CSMD1: variants seen among roughly 807,000 people sequenced by gnomAD.
CSMD1 encodes CUB and sushi domain-containing protein 1.
In CSMD1, 213 loss-of-function variants were observed where a neutral mutation model predicts 417.5. That is an observed-to-expected ratio of 0.51 (90% confidence interval 0.46 to 0.57). CSMD1 has a LOEUF of 0.57. CSMD1 is among the 20% of genes least tolerant of loss of function. The pLI, the probability that CSMD1 is intolerant of heterozygous loss-of-function variation, is 0.00. For synonymous variants in CSMD1, 2,862 were observed against 1,736.8 expected, an observed-to-expected ratio of 1.65 and a Z score of -16.11; for missense variants, 6,923 against 4,529.7, an observed-to-expected ratio of 1.53 and a Z score of -15.17.
At chr8:4,970,631 T>G (rs1252932493) in intron 1 of CSMD1, among the ~76,000 whole-genome samples, 1 of 152,124 alleles carries the variant, frequency 6.6e-6, no homozygotes. Flanking sequence ...AGGAAGCTTG[T>G]GTGACTTAAA....
chr8:4,755,372 C>T (rs1451558983), intron 1 of CSMD1, among the ~76,000 whole-genome samples: 3 of 152,156 alleles, frequency 2.0e-5, no homozygotes, highest in Non-Finnish European at 2.9e-5. Flanking sequence ...TAGCTATAAC[C>T]TTCAAAGTGC....
rs575027030 is a variant in CSMD1, at chr8:4,020,002, A to C, written c.610+11903T>G. ...TGAATTTCTTTTCAAACTGTTTGCC[A>C]TTCCGCTCTGGGCACTTAGTTCTGA... On this transcript the variant is annotated intron_variant, in intron 4 of 69. Coordinates refer to ENST00000635120, the MANE Select transcript of CSMD1 (RefSeq NM_033225.6). Among the ~76,000 whole-genome samples the C allele has an allele frequency of 1.4e-3, 219 of 151,726 alleles. 1 individual carries two copies. The highest frequency in any genetic ancestry group is 3.4e-3 in the Middle Eastern group (1 of 292).
chr8:4,892,379 G>T (rs1477637517), intron 1 of CSMD1, among the ~76,000 whole-genome samples: 4 of 151,982 alleles, frequency 2.6e-5, no homozygotes, highest in Admixed American at 2.6e-4. Context: ...AGAGCAAGGG[G>T]GAGTTGAGAA....
At chr8:2,955,529 G>A (rs1270771205) in intron 64 of CSMD1, 60 bp downstream of exon 64, 1 of 1,547,536 alleles carries the variant, frequency 6.5e-7, no homozygotes, top group Non-Finnish European at 8.9e-7. Flanking sequence ...AGCCTGATGG[G>A]CAGCTGATCC....
At chr8:3,384,346 C>A (rs745308696) in intron 18 of CSMD1, among the ~76,000 whole-genome samples, 1 of 151,970 alleles carries the variant, frequency 6.6e-6, no homozygotes, top group Non-Finnish European at 1.5e-5. Context: ...CCAATTTGAG[C>A]AACACTATGT....
intron 3 of CSMD1, among the ~76,000 whole-genome samples, chr8:4,279,332 G>C (rs563041436): frequency 6.6e-6 from 1 of 152,188 alleles, no homozygotes; most frequent in Non-Finnish European, 1.5e-5. Context: ...TCACACACAA[G>C]ACTAGACAGA....
chr8:3,514,489 G>C (rs1024326343), intron 10 of CSMD1, among the ~76,000 whole-genome samples: 2 of 152,102 alleles, frequency 1.3e-5, no homozygotes, highest in African/African-American at 4.8e-5. Flanking sequence ...TCAATTTTTG[G>C]AATTGACTAA....
intron 2 of CSMD1, among the ~76,000 whole-genome samples, chr8:4,453,747 G>A (rs145741451): frequency 1.3e-5 from 2 of 151,000 alleles, no homozygotes; most frequent in Admixed American, 6.6e-5. Flanking sequence ...ACGTAATTCC[G>A]GGTCCCCATT....
At chr8:4,400,360 C>T (rs1804562916) in intron 3 of CSMD1, among the ~76,000 whole-genome samples, 1 of 152,234 alleles carries the variant, frequency 6.6e-6, no homozygotes, top group Non-Finnish European at 1.5e-5. Context: ...GTCAAAGCTT[C>T]CAAATGCTTT....
chr8:3,240,165 C>G (rs1011853878), intron 26 of CSMD1, among the ~76,000 whole-genome samples: 1 of 152,040 alleles, frequency 6.6e-6, no homozygotes, highest in African/African-American at 2.4e-5. Flanking sequence ...TCGGTGCGGT[C>G]CCGGTTCTTG....
intron 2 of CSMD1, among the ~76,000 whole-genome samples, chr8:4,619,134 T>G (rs1165237310): frequency 6.6e-6 from 1 of 152,142 alleles, no homozygotes; most frequent in Non-Finnish European, 1.5e-5. Flanking sequence ...TGCCCTAGAT[T>G]TAACTCATGA....
intron 50 of CSMD1, among the ~76,000 whole-genome samples, chr8:3,038,144 C>T (rs1183940390): frequency 5.3e-5 from 8 of 152,176 alleles, no homozygotes; most frequent in Non-Finnish European, 1.2e-4. Context: ...TGTTCCAACG[C>T]TATCGGTAGC....
intron 8 of CSMD1, among the ~76,000 whole-genome samples, chr8:3,602,641 C>T (rs549121068): frequency 1.3e-5 from 2 of 152,024 alleles, no homozygotes; most frequent in African/African-American, 4.8e-5. Context: ...CTAAGAGTCA[C>T]AGGGTGTTAT....
intron 23 of CSMD1, among the ~76,000 whole-genome samples, chr8:3,324,239 G>A (rs1470857084): frequency 2.8e-5 from 4 of 142,716 alleles, no homozygotes; most frequent in African/African-American, 1.1e-4. Context: ...CCGGGAGGGG[G>A]AGTTTCCTTC....
chr8:3,031,317 G>A (rs1233814499), intron 50 of CSMD1, among the ~76,000 whole-genome samples: 1 of 124,692 alleles, frequency 8.0e-6, no homozygotes. Context: ...ACTGTTGTGG[G>A]GTGGGGGGAG....
At chr8:3,893,712 T>C (rs1331108485) in intron 5 of CSMD1, among the ~76,000 whole-genome samples, 3 of 151,888 alleles carry the variant, frequency 2.0e-5, no homozygotes, top group Non-Finnish European at 2.9e-5. Flanking sequence ...GTGGTAACAA[T>C]ACAGCCATCA....
intron 31 of CSMD1, among the ~76,000 whole-genome samples, chr8:3,203,920 G>A (rs534734114): frequency 1.3e-5 from 2 of 152,168 alleles, no homozygotes; most frequent in African/African-American, 4.8e-5. Context: ...GTAGTGTCTG[G>A]ATTGCACATC....
intron 5 of CSMD1, among the ~76,000 whole-genome samples, chr8:3,817,380 A>C (rs1298060941): frequency 7.1e-6 from 1 of 141,622 alleles, no homozygotes; most frequent in East Asian, 2.2e-4. Flanking sequence ...TACCAGGTTC[A>C]AGTTATTCTT....
chr8:3,695,015 G>C (rs1340654378), intron 7 of CSMD1, among the ~76,000 whole-genome samples: 2 of 151,530 alleles, frequency 1.3e-5, no homozygotes, highest in Non-Finnish European at 2.9e-5. Context: ...ATTAGACGAA[G>C]ACATGAAAGG....
Sources: allele counts gnomAD v4.1 joint callset (sites outside exome capture counted in the v4.1 genomes callset), GRCh38; gene constraint gnomAD v4.1.1; transcripts MANE v1.5; gene names NCBI Gene and HGNC (gene_info 2026-07-23, HGNC 2026-07-21).